Variants in MPP7 observed in about 807,000 individuals in gnomAD.
MPP7 encodes MAGUK p55 subfamily member 7.
In MPP7, 60 loss-of-function variants were observed where a neutral mutation model predicts 76.5. That is an observed-to-expected ratio of 0.78 (90% confidence interval 0.64 to 0.97). The LOEUF (loss-of-function observed/expected upper bound fraction) is 0.97, where lower values mean the gene tolerates loss of function less well. Among genes scored for constraint, MPP7 ranks in the 50% least tolerant of loss-of-function variants. The pLI is 0.00. For missense variants in MPP7, 641 were observed against 694.0 expected (o/e 0.92, Z 0.86); for synonymous variants, 237 against 244.5 (o/e 0.97, Z 0.29).
intron 2 of MPP7, among the ~76,000 whole-genome samples, chr10:28,203,453 A>G (rs1366503140): frequency 6.8e-6 from 1 of 148,130 alleles, no homozygotes; most frequent in Non-Finnish European, 1.5e-5. Flanking sequence ...AAATTGAAAC[A>G]TTTCTGGGGC....
chr10:28,257,159 A>G (rs1385419484), intron 1 of MPP7, among the ~76,000 whole-genome samples: 1 of 152,174 alleles, frequency 6.6e-6, no homozygotes, highest in Non-Finnish European at 1.5e-5. Flanking sequence ...ATTAAAACCA[A>G]TGACAGCAGT....
At position 28,097,460 on chromosome 10, in the gene MPP7, T is replaced by C. The variant is rs189087268; in HGVS notation, c.953-7619A>G. On this transcript the variant is annotated intron_variant, in intron 11 of 16. Coordinates refer to ENST00000683449, the MANE Select transcript of MPP7 (RefSeq NM_001318170.2). Reference sequence around the variant, plus strand: ...ATTTATTTAATTCTCACAGCAACCCTATGAGGTGGGTATAACAATCCATGT... The same window carrying C: ...ATTTATTTAATTCTCACAGCAACCCCATGAGGTGGGTATAACAATCCATGT... Among the ~76,000 whole-genome samples, 6 of 152,278 alleles carry C rather than the reference T, an allele frequency of 3.9e-5. No homozygotes were observed. In the East Asian group the frequency reaches 1.2e-3, roughly 29 times the overall value.
intron 12 of MPP7, among the ~76,000 whole-genome samples, chr10:28,078,459 T>A (rs1055638494): frequency 6.6e-6 from 1 of 152,200 alleles, no homozygotes; most frequent in African/African-American, 2.4e-5. Flanking sequence ...AACACAAAGA[T>A]GATATATGTA....
At chr10:28,327,231 T>TAAAAAAAAAA (rs59442840) in intron 2 of MPP7, among the ~76,000 whole-genome samples, 13 of 95,712 alleles carry the variant, frequency 1.4e-4, no homozygotes, top group East Asian at 3.6e-4. Flanking sequence ...GTCAAAGAAG[T>TAAAAAAAAAA]AAAAAAAAAA....
intron 15 of MPP7, chr10:28,057,605 CTTTTTTTTTTTTT>C (rs59550501): frequency 2.0e-4 from 24 of 122,566 alleles, no homozygotes; most frequent in African/African-American, 5.4e-4. Context: ...AATTAAACCT[CTTTTTTTTTTTTT>C]TTTTTTTTTT....
intron 2 of MPP7, among the ~76,000 whole-genome samples, chr10:28,231,199 A>C (rs1331330950): frequency 6.6e-6 from 1 of 151,944 alleles, no homozygotes; most frequent in African/African-American, 2.4e-5. Context: ...AAAAACTCTT[A>C]TGTGAATATT....
In MPP7 at chr10:28,258,366, AATAAC is replaced by A. The variant is rs1430128560; in HGVS notation, c.-131-19636_-131-19632del. On this transcript the variant is annotated intron_variant, in intron 1 of 16. Coordinates refer to ENST00000683449, the MANE Select transcript of MPP7 (RefSeq NM_001318170.2). ...TTATACTTAGGACTGATAAGATATA[AATAAC>A]ATATTAAATATTATATATATATATA... Among the ~76,000 whole-genome samples, 9 of 145,892 alleles carry A rather than the reference AATAAC, an allele frequency of 6.2e-5. No homozygotes were observed. The East Asian group carries it at 1.8e-3, about 29-fold the overall frequency.
At chr10:28,138,036 T>C (rs898447819) in intron 5 of MPP7, among the ~76,000 whole-genome samples, 2 of 152,250 alleles carry the variant, frequency 1.3e-5, no homozygotes, top group African/African-American at 2.4e-5. Flanking sequence ...TCATCTTGCA[T>C]GCTCAGGCAG....
At chr10:28,312,153 G>T (rs934549494) in intron 2 of MPP7, among the ~76,000 whole-genome samples, 10 of 152,146 alleles carry the variant, frequency 6.6e-5, no homozygotes, top group African/African-American at 2.4e-4. Context: ...TACCTGAGCT[G>T]ATTGTCGCTG....
At position 28,131,637 on chromosome 10, in the gene MPP7, GC is replaced by G. The variant is rs1280800959; in HGVS notation, c.369del (p.Leu123PhefsTer15). ...TCGTCAATATCTTCAGGCATAGGAG[GC>G]AACACTGGGTCGTAATTCTTCTGAG... ...TVAQKNYDPV[L>X]PPMPEDIDDE... On this transcript the variant is annotated frameshift_variant, in exon 6 of 17. Coordinates refer to ENST00000683449, the MANE Select transcript of MPP7 (RefSeq NM_001318170.2). LOFTEE classifies it high-confidence loss of function. The G allele has an allele frequency of 6.2e-7, 1 of 1,605,812 alleles. No individual in the cohort carries two copies. The highest frequency in any genetic ancestry group is 8.5e-7 in the Non-Finnish European group (1 of 1,175,016).
At chr10:28,260,302 G>A (rs1478901130) in intron 1 of MPP7, among the ~76,000 whole-genome samples, 1 of 152,040 alleles carries the variant, frequency 6.6e-6, no homozygotes, top group African/African-American at 2.4e-5. Context: ...AATGATCTAT[G>A]TATTATATTA....
chr10:28,250,653 A>G (rs1019895976), intron 1 of MPP7, among the ~76,000 whole-genome samples: 1 of 152,220 alleles, frequency 6.6e-6, no homozygotes, highest in African/African-American at 2.4e-5. Context: ...AAATTGAGAC[A>G]TGCTCTTGGT....
chr10:28,203,798 A>T lies in MPP7; in HGVS notation c.38-1527T>A, dbSNP rs570315497. 2.5e-4 allele frequency among the ~76,000 whole-genome samples: 38 copies of T among 152,352 alleles called. No homozygotes were observed. The South Asian group carries it at 7.5e-3, about 30-fold the overall frequency. ...TATTGATTTGGGGAGTTGTAAAAATAATTACCTATTCCTTGGTAACATGAC... is the reference window on the plus strand; with the variant it reads ...TATTGATTTGGGGAGTTGTAAAAATTATTACCTATTCCTTGGTAACATGAC... On this transcript the variant is annotated intron_variant, in intron 2 of 16. Coordinates refer to ENST00000683449, the MANE Select transcript of MPP7 (RefSeq NM_001318170.2).
intron 11 of MPP7, among the ~76,000 whole-genome samples, chr10:28,098,313 T>C (rs1853660601): frequency 6.6e-6 from 1 of 151,198 alleles, no homozygotes; most frequent in Non-Finnish European, 1.5e-5. Context: ...ATACAATAAA[T>C]GGGAAAAAAA....
In MPP7 at chr10:28,101,346, T is replaced by C. The variant is rs559696519; in HGVS notation, c.953-11505A>G. Among the ~76,000 whole-genome samples the C allele has an allele frequency of 2.0e-5, 3 of 152,236 alleles. No homozygotes were observed. In the East Asian group the frequency reaches 5.8e-4, roughly 29 times the overall value. On this transcript the variant is annotated intron_variant, in intron 11 of 16. Coordinates refer to ENST00000683449, the MANE Select transcript of MPP7 (RefSeq NM_001318170.2). ...ATAAAATGATTGAATATTGAATAAA[T>C]GGAATATTTACTGGATTTATAAAAC...
intron 1 of MPP7, among the ~76,000 whole-genome samples, chr10:28,290,664 G>A (rs921909052): frequency 2.6e-5 from 4 of 151,968 alleles, no homozygotes; most frequent in African/African-American, 9.7e-5. Flanking sequence ...GTACAGATGG[G>A]GTTTCATCAC....
chr10:28,163,109 G>A (rs1014892806), intron 3 of MPP7, among the ~76,000 whole-genome samples: 1 of 152,162 alleles, frequency 6.6e-6, no homozygotes, highest in African/African-American at 2.4e-5. Context: ...TAGTGAAGGG[G>A]TGGAGGAAGG....
chr10:28,330,722 A>G (rs1159285057), intron 1 of MPP7, among the ~76,000 whole-genome samples: 1 of 152,058 alleles, frequency 6.6e-6, no homozygotes, highest in Non-Finnish European at 1.5e-5. Flanking sequence ...TGGTGCAATT[A>G]TAACTCACTG....
intron 12 of MPP7, among the ~76,000 whole-genome samples, chr10:28,076,970 T>G (rs1009141473): frequency 4.0e-5 from 6 of 151,778 alleles, no homozygotes; most frequent in African/African-American, 1.5e-4. Flanking sequence ...GGATGTAAAT[T>G]CACCATTTCC....
Sources: allele counts gnomAD v4.1 joint callset (sites outside exome capture counted in the v4.1 genomes callset), GRCh38; gene constraint gnomAD v4.1.1; transcripts MANE v1.5; gene names NCBI Gene and HGNC (gene_info 2026-07-23, HGNC 2026-07-21).